The following FRMPD4 variants were observed in gnomAD, a reference collection of about 807,000 sequenced individuals.
FRMPD4 encodes FERM and PDZ domain containing 4.
Under a neutral mutation model 94.1 loss-of-function variants are expected in FRMPD4, and 22 were observed. That is an observed-to-expected ratio of 0.23 (90% CI 0.17 to 0.33). The LOEUF is 0.33. Among genes scored for constraint, FRMPD4 ranks in the 10% least tolerant of loss-of-function variants. The probability of loss-of-function intolerance (pLI) is 1.00; values close to 1 mark genes in which losing one functional copy is unlikely to be tolerated. For synonymous variants in FRMPD4, 631 were observed against 548.6 expected (o/e 1.15, Z -2.10); for missense variants, 1,111 against 1,339.9 (o/e 0.83, Z 2.67).
At chrX:12,135,133 G>A (rs1303985189), upstream of FRMPD4, among the ~76,000 whole-genome samples, 1 of 111,897 alleles carries the variant, frequency 8.9e-6, no homozygotes, top group Non-Finnish European at 1.9e-5. Context: ...CTCAAGGTTG[G>A]ATAATACAGT....
intron 1 of FRMPD4, among the ~76,000 whole-genome samples, chrX:12,437,997 C>G (rs2057089562): frequency 9.0e-6 from 1 of 111,545 alleles, no homozygotes; most frequent in South Asian, 3.8e-4. Flanking sequence ...TTTACCTAAA[C>G]CTAGAAAATA....
At chrX:12,041,528 T>C (rs201533727) in intron 3 of FRMPD4, among the ~76,000 whole-genome samples, 7,466 of 111,638 alleles carry the variant, frequency 0.067, 261 homozygotes, top group East Asian at 0.24. Flanking sequence ...AGCTGTTGTA[T>C]TGTTGTGCCC....
chrX:12,532,872 A>G (rs113942834), intron 2 of FRMPD4, among the ~76,000 whole-genome samples: 5,275 of 112,032 alleles, frequency 0.047, 129 homozygotes, highest in African/African-American at 0.098. Flanking sequence ...CCCAGTCCAA[A>G]ATGTCAAGAG....
intron 3 of FRMPD4, among the ~76,000 whole-genome samples, chrX:12,127,980 C>T (rs2055515198): frequency 8.9e-6 from 1 of 112,831 alleles, no homozygotes; most frequent in Admixed American, 9.3e-5. Context: ...GCTCACAAGA[C>T]CTTGGGCAGC....
At chrX:12,461,370 A>G (rs2057388770) in intron 1 of FRMPD4, among the ~76,000 whole-genome samples, 1 of 112,398 alleles carries the variant, frequency 8.9e-6, no homozygotes, top group Non-Finnish European at 1.9e-5. Flanking sequence ...TGTTTACAAG[A>G]TAAGTTCCTT....
At chrX:11,996,227 T>C (rs6640855) in intron 3 of FRMPD4, among the ~76,000 whole-genome samples, 9,869 of 111,868 alleles carry the variant, frequency 0.088, 366 homozygotes, top group East Asian at 0.24. Flanking sequence ...TGGAAGTTGC[T>C]ACATTTCTGT....
At chrX:12,596,531 G>GTCTGAACAAC (rs2059032789) in intron 2 of FRMPD4, among the ~76,000 whole-genome samples, 1 of 109,763 alleles carries the variant, frequency 9.1e-6, no homozygotes. Context: ...GCTTGAGTGG[G>GTCTGAACAAC]TCTGAACAAC....
At chrX:12,250,292 C>G (rs1428706056) in intron 1 of FRMPD4, among the ~76,000 whole-genome samples, 1 of 111,237 alleles carries the variant, frequency 9.0e-6, no homozygotes, top group African/African-American at 3.3e-5. Context: ...TTAACAATGT[C>G]CTCTGCCATA....
At chrX:12,174,588 CT>C (rs2056269810) in intron 1 of FRMPD4, among the ~76,000 whole-genome samples, 1 of 111,928 alleles carries the variant, frequency 8.9e-6, no homozygotes, top group Admixed American at 9.5e-5. Flanking sequence ...CTCTGGGACC[CT>C]TTGTGCTACT....
intron 1 of FRMPD4, among the ~76,000 whole-genome samples, chrX:12,154,213 T>C (rs2055901266): frequency 8.9e-6 from 1 of 112,993 alleles, no homozygotes; most frequent in Non-Finnish European, 1.9e-5. Context: ...TCTGTATAAA[T>C]GTTCCCACTG....
At chrX:11,848,741 A>C (rs2053600693) in intron 1 of FRMPD4, among the ~76,000 whole-genome samples, 1 of 110,972 alleles carries the variant, frequency 9.0e-6, no homozygotes, top group Admixed American at 9.7e-5. Context: ...TGCTTGCTGC[A>C]AACAAAACAG....
At chrX:12,190,689 C>A (rs1201671285) in intron 1 of FRMPD4, among the ~76,000 whole-genome samples, 1 of 77,241 alleles carries the variant, frequency 1.3e-5, no homozygotes, top group African/African-American at 4.5e-5. Context: ...ACGGGACATC[C>A]ACATTAAAAA....
intron 1 of FRMPD4, among the ~76,000 whole-genome samples, chrX:12,340,150 T>C (rs1357817042): frequency 8.9e-6 from 1 of 112,466 alleles, no homozygotes; most frequent in Non-Finnish European, 1.9e-5. Flanking sequence ...AAGTATTCCT[T>C]AGGCTCATTA....
intron 14 of FRMPD4, among the ~76,000 whole-genome samples, chrX:12,714,769 C>A (rs1158915481): frequency 8.9e-6 from 1 of 111,888 alleles, no homozygotes; most frequent in Non-Finnish European, 1.9e-5. Flanking sequence ...CACTTCCCCC[C>A]ACACGCACAC....
intron 1 of FRMPD4, among the ~76,000 whole-genome samples, chrX:11,859,963 A>G (rs1398016901): frequency 3.6e-5 from 4 of 111,362 alleles, no homozygotes; most frequent in African/African-American, 1.3e-4. Flanking sequence ...CACTTGTCCT[A>G]CCCTTTATAC....
chrX:12,566,876 C>T (rs1348072322), intron 2 of FRMPD4, among the ~76,000 whole-genome samples: 1 of 110,861 alleles, frequency 9.0e-6, no homozygotes, highest in Non-Finnish European at 1.9e-5. Context: ...ACCAAACTGG[C>T]CCTCACAACT....
intron 4 of FRMPD4, among the ~76,000 whole-genome samples, chrX:12,652,439 T>C (rs913124148): frequency 8.9e-6 from 1 of 111,933 alleles, no homozygotes; most frequent in Admixed American, 9.5e-5. Context: ...ATATTCACAA[T>C]ATTGTGCAAC....
chrX:12,332,126 T>C (rs1277074694), intron 1 of FRMPD4, among the ~76,000 whole-genome samples: 1 of 68,723 alleles, frequency 1.5e-5, no homozygotes, highest in Non-Finnish European at 2.8e-5. Flanking sequence ...ATTTATATTT[T>C]ATATATTATA....
At chrX:11,945,746 C>T (rs986284524) in intron 3 of FRMPD4, among the ~76,000 whole-genome samples, 1 of 111,456 alleles carries the variant, frequency 9.0e-6, no homozygotes, top group African/African-American at 3.3e-5. Flanking sequence ...GGAACTCACT[C>T]ATTACCAAGA....
Sources: gnomAD v4.1 joint callset for allele counts (sites outside exome capture counted in the v4.1 genomes callset) on GRCh38, gnomAD v4.1.1 for gene constraint, MANE v1.5 for transcripts, NCBI Gene and HGNC (gene_info 2026-07-23, HGNC 2026-07-21) for gene names.